The following CACNA1I variants were observed in gnomAD, a reference collection of about 807,000 sequenced individuals.
The protein encoded by CACNA1I is voltage-dependent T-type calcium channel subunit alpha-1I.
Under a neutral mutation model 201.6 loss-of-function variants are expected in CACNA1I, and 74 were observed. That is an observed-to-expected ratio of 0.37 (90% confidence interval 0.30 to 0.45). The LOEUF (loss-of-function observed/expected upper bound fraction) is 0.45, where lower values mean the gene tolerates loss of function less well. Among genes scored for constraint, CACNA1I ranks in the 20% least tolerant of loss-of-function variants. The pLI is 1.00. For synonymous variants in CACNA1I, 1,431 were observed against 1,345.2 expected, an observed-to-expected ratio of 1.06 and a Z score of -1.40; for missense variants, 2,346 against 3,138.1, an observed-to-expected ratio of 0.75 and a Z score of 6.03.
In CACNA1I at chr22:39,600,562, G is replaced by A. The variant is rs1405217915; in HGVS notation, c.391G>A (p.Val131Met). Residue 131 changes from valine (V) to methionine (M), a missense_variant, in exon 3 of 37, where the codon GTG becomes ATG. By Grantham distance (21) the Val-to-Met change is conservative (BLOSUM62 1). Around this residue, in one of 13 missense-constraint regions of CACNA1I, gnomAD observed 227 missense variants for 412.5 expected, o/e 0.55. Transcript: ENST00000402142. ...CTTTATCTTCTTTGCCATGGAGATG[G>A]TGCTCAAGATGGTGGCCCTGGGGAT... ...FIFIFFAMEM[V>M]LKMVALGIFG... The A allele has an allele frequency of 6.2e-7, 1 of 1,612,486 alleles. No homozygotes were observed. The highest frequency in any genetic ancestry group is 1.1e-5 in the South Asian group (1 of 90,690).
chr22:39,585,386 C>CTTTCTTT (rs1485526954), intron 1 of CACNA1I, among the ~76,000 whole-genome samples: 8 of 90,450 alleles, frequency 8.8e-5, no homozygotes, highest in East Asian at 2.5e-4. Context: ...TTCTTTCTTT[C>CTTTCTTT]TTTTTTTTTT....
At position 39,648,019 on chromosome 22, in the gene CACNA1I, C is replaced by A; in HGVS notation, c.1567+93C>A. 8.6e-7 allele frequency: 1 copy of A among 1,158,100 alleles called. No homozygotes were observed. The highest frequency in any genetic ancestry group is 1.3e-6 in the Non-Finnish European group (1 of 791,568). 71.7% of individuals were successfully genotyped at this position (1,158,100 alleles called of 1,614,324 possible). A position where few individuals can be genotyped will look rare whatever the true frequency, so the allele number is the denominator to read the frequency against. On this transcript the variant is annotated intron_variant, in intron 9 of 36. Coordinates refer to ENST00000402142, the MANE Select transcript of CACNA1I (RefSeq NM_021096.4). The surrounding 1 kb of genome is among the most constrained non-coding windows in gnomAD (Gnocchi z 5.4). ...AGAAGGAAGTCGGCAGGCATGGGGA[C>A]GGCGCTTGAGCAGCCGCGACCCTCT... is the stretch of plus-strand genomic sequence containing the variant.
In CACNA1I at chr22:39,645,992, G is replaced by A. The variant is rs1934475533; in HGVS notation, c.1150-577G>A. Among the ~76,000 whole-genome samples, 5 of 152,212 alleles carry A rather than the reference G, an allele frequency of 3.3e-5. No homozygotes were observed. In the South Asian group the frequency reaches 1.0e-3, roughly 32 times the overall value. On this transcript the variant is annotated intron_variant, in intron 7 of 36. Coordinates refer to ENST00000402142, the MANE Select transcript of CACNA1I (RefSeq NM_021096.4). ...AGGGCTGGGCAAGGACTCAGGGCCTGGGAAGCCCACGACGGGCTGTGGCCT... is the reference window on the plus strand; with the variant it reads ...AGGGCTGGGCAAGGACTCAGGGCCTAGGAAGCCCACGACGGGCTGTGGCCT...
At chr22:39,585,386 C>CTTTCTTTTTT (rs1485526954) in intron 1 of CACNA1I, among the ~76,000 whole-genome samples, 1 of 90,456 alleles carries the variant, frequency 1.1e-5, no homozygotes, top group Non-Finnish European at 2.2e-5. Flanking sequence ...TTCTTTCTTT[C>CTTTCTTTTTT]TTTTTTTTTT....
At chr22:39,622,612 G>C (rs1457993067) in intron 4 of CACNA1I, among the ~76,000 whole-genome samples, 2 of 150,154 alleles carry the variant, frequency 1.3e-5, no homozygotes, top group Admixed American at 6.6e-5. Context: ...GGGGGCGGTG[G>C]GGGGGGCAGT....
Position 39,685,768 on chromosome 22 carries a change from G to C in CACNA1I, c.6035G>C (p.Gly2012Ala). ...GCTCCCACCTCCCCCCAGGCCACCGGGAGCGACACGTCGCTGGACGCCAGC... is the reference window on the plus strand; with the variant it reads ...GCTCCCACCTCCCCCCAGGCCACCGCGAGCGACACGTCGCTGGACGCCAGC... Reference protein sequence around the residue: ...VNCTLLRQATGSDTSLDASPS... With the variant: ...VNCTLLRQATASDTSLDASPS... Residue 2012 changes from glycine to alanine, a missense_variant, in exon 37 of 37, where the codon GGG becomes GCG. By Grantham distance (60) the Gly-to-Ala change is moderately conservative. Coordinates refer to ENST00000402142, the MANE Select transcript of CACNA1I (RefSeq NM_021096.4). This position sits in a 1 kb window ranked among gnomAD's most constrained non-coding sequence, Gnocchi z 5.0. The C allele has an allele frequency of 2.7e-6, 4 of 1,486,862 alleles. No homozygotes were observed. The highest frequency in any genetic ancestry group is 2.7e-6 in the Non-Finnish European group (3 of 1,126,180). 92.1% of individuals were successfully genotyped at this position (1,486,862 alleles called of 1,614,324 possible).
At chr22:39,582,912 T>TCATC in intron 1 of CACNA1I, among the ~76,000 whole-genome samples, 2 of 140,818 alleles carry the variant, frequency 1.4e-5, no homozygotes, top group East Asian at 4.5e-4. Flanking sequence ...AACCATCCAT[T>TCATC]CATCCATCTA....
At chr22:39,646,513 C>A in intron 7 of CACNA1I, 56 bp from the exon 8 acceptor site, 3 of 1,493,612 alleles carry the variant, frequency 2.0e-6, no homozygotes, top group South Asian at 1.4e-5. Context: ...CTCTCTCACC[C>A]TTCTGTCCCC....
At chr22:39,634,081 G>T (rs1934139725) in intron 4 of CACNA1I, among the ~76,000 whole-genome samples, 1 of 152,186 alleles carries the variant, frequency 6.6e-6, no homozygotes, top group South Asian at 2.1e-4. Context: ...GGGACAAGGG[G>T]GTTGTGAAAA....
At chr22:39,645,834 C>G (rs1249010283) in intron 7 of CACNA1I, among the ~76,000 whole-genome samples, 7 of 152,240 alleles carry the variant, frequency 4.6e-5, no homozygotes, top group Non-Finnish European at 1.0e-4. Flanking sequence ...ATGGGATCCC[C>G]AATGCCAACC....
intron 3 of CACNA1I, among the ~76,000 whole-genome samples, chr22:39,603,344 C>CT (rs1421817244): frequency 6.6e-6 from 1 of 152,166 alleles, no homozygotes; most frequent in African/African-American, 2.4e-5. Flanking sequence ...TGAGAGAAAT[C>CT]TTTGACTTGG....
chr22:39,662,282 G>T lies in CACNA1I; in HGVS notation c.3219G>T (p.Ala1073=), dbSNP rs1220031497. 3 of 1,515,110 alleles carry T rather than the reference G, an allele frequency of 2.0e-6. No individual in the cohort carries two copies. The highest frequency in any genetic ancestry group is 1.2e-5 in the South Asian group (1 of 81,118). 93.9% of individuals were successfully genotyped at this position (1,515,110 alleles called of 1,614,324 possible). Residue 1073 remains alanine (A), a synonymous_variant, in exon 17 of 37, where the codon GCG becomes GCT. Coordinates refer to ENST00000402142, the MANE Select transcript of CACNA1I (RefSeq NM_021096.4). ...TGGACCTGGCCGAGCTGGTGCCCGC[G>T]GTGGGCGCCCACCCCCGGGCCGCCT... ...DSVDLAELVP[A]VGAHPRAAWR...
intron 3 of CACNA1I, among the ~76,000 whole-genome samples, chr22:39,602,175 G>C (rs1400439721): frequency 6.8e-6 from 1 of 146,998 alleles, no homozygotes; most frequent in African/African-American, 2.5e-5. Flanking sequence ...AGGCTCAAAG[G>C]ATCCTCCCAC....
At chr22:39,598,425 C>G (rs989357090) in intron 2 of CACNA1I, among the ~76,000 whole-genome samples, 163 bp downstream of exon 2, 11 of 151,194 alleles carry the variant, frequency 7.3e-5, no homozygotes, top group African/African-American at 2.4e-4. Flanking sequence ...CACTACCAAG[C>G]GCTGCCGCAC....
chr22:39,646,733 C>T lies in CACNA1I; in HGVS notation c.1314C>T (p.Ile438=). ...AGCCTGGCGACTGCTACGAGGAGAT[C>T]TTCCAGTATGTCTGCCACATCCTGC... is the stretch of plus-strand genomic sequence containing the variant. The part of the protein sequence containing the change: ...YAEPGDCYEE[I]FQYVCHILRK... Residue 438 remains isoleucine, a synonymous_variant, in exon 8 of 37, where the codon ATC becomes ATT. Coordinates refer to ENST00000402142, the MANE Select transcript of CACNA1I (RefSeq NM_021096.4). 2 of 1,598,446 alleles carry T rather than the reference C, an allele frequency of 1.3e-6. No homozygotes were observed. The highest frequency in any genetic ancestry group is 8.5e-7 in the Non-Finnish European group (1 of 1,172,810).
intron 1 of CACNA1I, among the ~76,000 whole-genome samples, chr22:39,592,372 G>A (rs1038397300): frequency 4.6e-5 from 7 of 152,346 alleles, no homozygotes; most frequent in Admixed American, 2.6e-4. Context: ...GGGGACCCCC[G>A]TGGGTGGTGA....
At chr22:39,634,828 CA>C in intron 5 of CACNA1I, 104 bp downstream of exon 5, 3 of 1,119,930 alleles carry the variant, frequency 2.7e-6, no homozygotes, top group Non-Finnish European at 2.5e-6. Flanking sequence ...GTAGAAGCAG[CA>C]AAAAAAGAGA....
chr22:39,671,810 C>T (rs1935385600), intron 26 of CACNA1I, among the ~76,000 whole-genome samples: 1 of 152,122 alleles, frequency 6.6e-6, no homozygotes, highest in East Asian at 1.9e-4. Context: ...CTGTTTCCAG[C>T]ACCGAACTAT....
At chr22:39,633,805 C>A (rs758837550) in intron 4 of CACNA1I, among the ~76,000 whole-genome samples, 2 of 152,198 alleles carry the variant, frequency 1.3e-5, no homozygotes, top group Non-Finnish European at 2.9e-5. Context: ...TCTTTGGGGC[C>A]ATGGACTCCT....
Sources: gnomAD v4.1 joint callset for allele counts (sites outside exome capture counted in the v4.1 genomes callset) on GRCh38, gnomAD v4.1.1 for gene constraint, gnomAD v4.1.1 regional missense constraint, Gnocchi (gnomAD v3.1) non-coding constraint, MANE v1.5 for transcripts, NCBI Gene and HGNC (gene_info 2026-07-23, HGNC 2026-07-21) for gene names.